SBF2: variants seen among roughly 807,000 people sequenced by gnomAD.
SBF2 encodes the protein myotubularin-related protein 13.
SBF2 carries 112 observed loss-of-function variants against 225.2 expected under a neutral mutation model. The observed-to-expected ratio is 0.50, with a 90% CI of 0.43 to 0.58. The LOEUF is 0.58. Among genes scored for constraint, SBF2 ranks in the 20% least tolerant of loss-of-function variants. The probability of loss-of-function intolerance (pLI) is 0.00; values close to 1 mark genes in which losing one functional copy is unlikely to be tolerated. For synonymous variants in SBF2, 763 were observed against 773.3 expected (o/e 0.99, Z 0.22); for missense variants, 1,996 against 2,206.2 (o/e 0.90, Z 1.91).
chr11:10,191,861 T>C (rs1042616503), intron 2 of SBF2, among the ~76,000 whole-genome samples: 5 of 152,162 alleles, frequency 3.3e-5, no homozygotes, highest in Non-Finnish European at 7.4e-5. Flanking sequence ...ATTCTCTTGG[T>C]TTTCAAAACA....
At chr11:10,101,659 CTGTGTGTGTGTGTG>C (rs144213559) in intron 2 of SBF2, among the ~76,000 whole-genome samples, 8 of 148,158 alleles carry the variant, frequency 5.4e-5, no homozygotes, top group South Asian at 2.2e-4. Context: ...CTCTCTCGCT[CTGTGTGTGTGTGTG>C]TGTGTGTGTG....
chr11:10,200,403 G>A (rs1957528480), intron 1 of SBF2, among the ~76,000 whole-genome samples: 1 of 152,116 alleles, frequency 6.6e-6, no homozygotes, highest in Non-Finnish European at 1.5e-5. Flanking sequence ...ATAACATAGT[G>A]TAGAGAAGAA....
At chr11:10,099,309 A>T (rs1246549941) in intron 2 of SBF2, among the ~76,000 whole-genome samples, 1 of 152,202 alleles carries the variant, frequency 6.6e-6, no homozygotes, top group Non-Finnish European at 1.5e-5. Flanking sequence ...AAGGGATAAT[A>T]TATTCAAAGG....
intron 3 of SBF2, among the ~76,000 whole-genome samples, chr11:10,037,208 C>T (rs908572249): frequency 2.0e-5 from 3 of 152,162 alleles, no homozygotes; most frequent in Middle Eastern, 3.4e-3. Context: ...TCTTCAGCAT[C>T]GATACTCTAA....
At chr11:9,910,135 CTA>C (rs1862477390) in intron 16 of SBF2, among the ~76,000 whole-genome samples, 1 of 152,078 alleles carries the variant, frequency 6.6e-6, no homozygotes, top group Non-Finnish European at 1.5e-5. Context: ...ATAAATTCAA[CTA>C]TAGTCACGTG....
intron 14 of SBF2, among the ~76,000 whole-genome samples, chr11:9,964,719 TG>T (rs1033007496): frequency 5.9e-5 from 9 of 152,204 alleles, no homozygotes; most frequent in African/African-American, 2.2e-4. Context: ...AAAATTCTAG[TG>T]TATTACCTAG....
intron 1 of SBF2, among the ~76,000 whole-genome samples, chr11:10,239,615 A>G (rs1191826771): frequency 6.6e-6 from 1 of 150,488 alleles, no homozygotes; most frequent in Non-Finnish European, 1.5e-5. Flanking sequence ...AAAAGGAGGA[A>G]AAGGTAAATA....
At chr11:10,064,072 A>AT (rs965533750) in intron 2 of SBF2, among the ~76,000 whole-genome samples, 4 of 152,070 alleles carry the variant, frequency 2.6e-5, no homozygotes, top group South Asian at 2.1e-4. Flanking sequence ...AATGCATAAG[A>AT]TTTTTTTTAT....
chr11:10,030,542 T>A (rs1738892661), intron 4 of SBF2, among the ~76,000 whole-genome samples: 1 of 152,144 alleles, frequency 6.6e-6, no homozygotes, highest in Non-Finnish European at 1.5e-5. Flanking sequence ...GCACAAATAT[T>A]TACAAATGAA....
chr11:10,206,716 G>A (rs1464981957), intron 1 of SBF2, among the ~76,000 whole-genome samples: 1 of 152,078 alleles, frequency 6.6e-6, no homozygotes, highest in Non-Finnish European at 1.5e-5. Context: ...TCACTGGATG[G>A]TTTCAATAGT....
intron 19 of SBF2, among the ~76,000 whole-genome samples, chr11:9,855,014 T>C (rs917267813): frequency 5.3e-5 from 8 of 152,202 alleles, no homozygotes; most frequent in African/African-American, 1.2e-4. Flanking sequence ...ATTAAACAGA[T>C]AGGTCCTGTA....
At chr11:9,898,688 G>C (rs1202973119) in intron 16 of SBF2, among the ~76,000 whole-genome samples, 1 of 152,022 alleles carries the variant, frequency 6.6e-6, no homozygotes, top group Non-Finnish European at 1.5e-5. Flanking sequence ...AGGATTATAA[G>C]ATAAATCTCA....
chr11:10,133,157 G>A (rs1244512464), intron 2 of SBF2, among the ~76,000 whole-genome samples: 2 of 149,410 alleles, frequency 1.3e-5, no homozygotes, highest in Admixed American at 1.4e-4. Context: ...TAAACACAGG[G>A]TGCTGATTGG....
chr11:10,038,293 G>C (rs1949525169), intron 3 of SBF2, among the ~76,000 whole-genome samples: 1 of 151,880 alleles, frequency 6.6e-6, no homozygotes, highest in Non-Finnish European at 1.5e-5. Flanking sequence ...CCTATCAAAT[G>C]GTGTTTTGTG....
chr11:10,229,051 G>A (rs544487513), intron 1 of SBF2, among the ~76,000 whole-genome samples: 10 of 152,100 alleles, frequency 6.6e-5, no homozygotes, highest in Non-Finnish European at 8.8e-5. Flanking sequence ...AGTCTTGGGA[G>A]GGTGTGTCGA....
At chr11:10,259,187 A>C (rs557145424) in intron 1 of SBF2, among the ~76,000 whole-genome samples, 6 of 152,212 alleles carry the variant, frequency 3.9e-5, no homozygotes, top group African/African-American at 1.4e-4. Flanking sequence ...AAGTAGTACA[A>C]GTCAGGTGTT....
chr11:10,060,183 T>A (rs1279524624), intron 2 of SBF2, among the ~76,000 whole-genome samples: 1 of 152,140 alleles, frequency 6.6e-6, no homozygotes, highest in South Asian at 2.1e-4. Flanking sequence ...GAATTAGAAA[T>A]GGCAAAGGGG....
rs376309876 is a variant in SBF2 at position 9,832,289 on chromosome 11, C to T, written c.3587G>A (p.Arg1196Gln). 1.9e-6 allele frequency: 3 copies of T among 1,614,044 alleles called. No individual in the cohort carries two copies. Among genetic ancestry groups the T allele is most frequent in the Non-Finnish European group, 1.7e-6 (2 of 1,179,944 alleles). ...TCCCTTCCCATGGAATCCTCCAGAT[C>T]GGAGGAGCAGAGTACCACTTCTTGA... ...KNSRSGTLLL[R>Q]SGGFHGKGVV... Residue 1196 changes from arginine to glutamine, a missense_variant, in exon 27 of 40, where the codon CGA becomes CAA. Transcript: ENST00000256190.
At chr11:9,915,195 T>A (rs1237981656) in intron 16 of SBF2, among the ~76,000 whole-genome samples, 1 of 152,096 alleles carries the variant, frequency 6.6e-6, no homozygotes, top group Non-Finnish European at 1.5e-5. Flanking sequence ...ACGCCTGTAA[T>A]CCCAGCACTT....
Sources: allele counts gnomAD v4.1 joint callset (sites outside exome capture counted in the v4.1 genomes callset), GRCh38; gene constraint gnomAD v4.1.1; transcripts MANE v1.5; gene names NCBI Gene and HGNC (gene_info 2026-07-23, HGNC 2026-07-21).